XKR9: variants seen among roughly 807,000 people sequenced by gnomAD.
XKR9 encodes the protein XK-related protein 9.
In XKR9, 32 loss-of-function variants were observed where a neutral mutation model predicts 32.0. The observed-to-expected ratio is 1.00, with a 90% CI of 0.76 to 1.34. The LOEUF is 1.34. XKR9 is among the 40% of genes most tolerant of loss of function. XKR9 has a pLI of 0.00. For missense variants in XKR9, 546 were observed against 429.7 expected (o/e 1.27, Z -2.39); for synonymous variants, 168 against 143.4 (o/e 1.17, Z -1.22).
chr8:70,839,803 G>A, the XKR9 span, among the ~76,000 whole-genome samples: 1 of 152,144 alleles, frequency 6.6e-6, no homozygotes, highest in Non-Finnish European at 1.5e-5. Flanking sequence ...CTGTACCTGA[G>A]AAGAAAGCGA....
the XKR9 span, among the ~76,000 whole-genome samples, chr8:70,856,606 C>T: frequency 6.6e-6 from 1 of 152,152 alleles, no homozygotes; most frequent in South Asian, 2.1e-4. Flanking sequence ...TTGAACTCAG[C>T]TCTGCACCAA....
At chr8:70,850,147 C>T in the XKR9 span, among the ~76,000 whole-genome samples, 4 of 152,072 alleles carry the variant, frequency 2.6e-5, no homozygotes, top group African/African-American at 9.7e-5. Context: ...GATACCAAAA[C>T]CTGGCAGACA....
At chr8:70,827,075 TG>T in the XKR9 span, among the ~76,000 whole-genome samples, 1 of 152,158 alleles carries the variant, frequency 6.6e-6, no homozygotes, top group Non-Finnish European at 1.5e-5. Context: ...AAATGGACTG[TG>T]TTCTGGTTTT....
At chr8:70,882,819 AT>A in the XKR9 span, among the ~76,000 whole-genome samples, 1 of 151,834 alleles carries the variant, frequency 6.6e-6, no homozygotes. Flanking sequence ...TGCACTGTAC[AT>A]TTTATGAGTT....
At chr8:70,733,643 T>A (rs1806746114) in intron 4 of XKR9, among the ~76,000 whole-genome samples, 153 bp from the exon 5 acceptor site, 1 of 152,128 alleles carries the variant, frequency 6.6e-6, no homozygotes, top group Non-Finnish European at 1.5e-5. Flanking sequence ...CCCCCATACA[T>A]AATAATATCT....
At chr8:70,892,222 T>C in the XKR9 span, among the ~76,000 whole-genome samples, 1 of 152,096 alleles carries the variant, frequency 6.6e-6, no homozygotes, top group Non-Finnish European at 1.5e-5. Context: ...GTGCATCTTT[T>C]AATAGGGGAA....
the XKR9 span, among the ~76,000 whole-genome samples, chr8:70,891,584 A>G: frequency 2.1e-4 from 32 of 151,948 alleles, no homozygotes; most frequent in African/African-American, 7.5e-4. Flanking sequence ...ATTTTTATGT[A>G]TTTGTACTAT....
the XKR9 span, among the ~76,000 whole-genome samples, chr8:70,856,760 T>G: frequency 6.6e-6 from 1 of 151,956 alleles, no homozygotes; most frequent in Non-Finnish European, 1.5e-5. Flanking sequence ...GAACAGAAAT[T>G]ATAACAAACC....
At chr8:70,884,545 T>C in the XKR9 span, among the ~76,000 whole-genome samples, 3 of 152,200 alleles carry the variant, frequency 2.0e-5, no homozygotes, top group Non-Finnish European at 2.9e-5. Context: ...TTGAGTTAAT[T>C]TTTGTGAAAT....
At chr8:70,784,538 A>G (rs949059424) in intron 2 of XKR9, among the ~76,000 whole-genome samples, 1 of 150,504 alleles carries the variant, frequency 6.6e-6, no homozygotes, top group African/African-American at 2.4e-5. Context: ...TTGTGCGTTG[A>G]TTTTGTACCT....
chr8:70,695,443 T>A (rs1226883793), intron 3 of XKR9, among the ~76,000 whole-genome samples: 1 of 151,166 alleles, frequency 6.6e-6, no homozygotes, highest in Non-Finnish European at 1.5e-5. Flanking sequence ...TTTTTTGTCC[T>A]TGTGATAGTT....
the XKR9 span, among the ~76,000 whole-genome samples, chr8:70,909,452 C>G: frequency 1.3e-5 from 2 of 152,094 alleles, no homozygotes; most frequent in Non-Finnish European, 2.9e-5. Flanking sequence ...TGGTCCCACT[C>G]TGTGTTCCAA....
In XKR9 at chr8:70,681,218, G is replaced by T. The variant is rs1819070160; in HGVS notation, c.160G>T (p.Val54Leu). The change falls in exon 3 of 5, where the codon GTG becomes TTG. Residue 54 changes from valine (V) to leucine (L), a missense_variant. Coordinates refer to ENST00000408926, the MANE Select transcript of XKR9 (RefSeq NM_001011720.2). Reference sequence around the variant, plus strand: ...AAGCTTTATGCTTTTTGGAACACTTGTGGCTCAGTGTTTTAGTTATTCTTG... The same window carrying T: ...AAGCTTTATGCTTTTTGGAACACTTTTGGCTCAGTGTTTTAGTTATTCTTG... ...ALSFMLFGTL[V>L]AQCFSYSWFK... 1.2e-6 allele frequency: 2 copies of T among 1,613,396 alleles called. No individual in the cohort carries two copies. The highest frequency in any genetic ancestry group is 1.7e-5 in the Admixed American group (1 of 59,970).
the XKR9 span, among the ~76,000 whole-genome samples, chr8:70,814,293 G>C: frequency 1.3e-5 from 2 of 151,994 alleles, no homozygotes; most frequent in African/African-American, 2.4e-5. Flanking sequence ...TGACTGTTGT[G>C]GGGTGGGGGA....
chr8:71,049,895 T>TTTTATATCA, the XKR9 span, among the ~76,000 whole-genome samples: 1 of 152,226 alleles, frequency 6.6e-6, no homozygotes, highest in Non-Finnish European at 1.5e-5. Context: ...AAATGAGTCC[T>TTTTATATCA]TTTATTAAAA....
At chr8:70,879,615 T>C in the XKR9 span, among the ~76,000 whole-genome samples, 1 of 152,002 alleles carries the variant, frequency 6.6e-6, no homozygotes, top group Non-Finnish European at 1.5e-5. Flanking sequence ...CAGAAAGAAT[T>C]TGAATCTCTG....
At chr8:70,887,987 T>A in the XKR9 span, among the ~76,000 whole-genome samples, 1 of 152,134 alleles carries the variant, frequency 6.6e-6, no homozygotes, top group Non-Finnish European at 1.5e-5. Flanking sequence ...AGACAGGGCA[T>A]CCTTGTCTTT....
the XKR9 span, among the ~76,000 whole-genome samples, chr8:70,973,923 G>T: frequency 6.6e-6 from 1 of 152,124 alleles, no homozygotes; most frequent in Admixed American, 6.6e-5. Flanking sequence ...CTGATGAATA[G>T]AATGTATATG....
chr8:70,786,463 T>A (rs1409037286), intron 2 of XKR9, among the ~76,000 whole-genome samples: 1 of 152,178 alleles, frequency 6.6e-6, no homozygotes, highest in Non-Finnish European at 1.5e-5. Flanking sequence ...GCTCTGATGT[T>A]GGGTACATGT....
Sources: gnomAD v4.1 joint callset for allele counts (sites outside exome capture counted in the v4.1 genomes callset) on GRCh38, gnomAD v4.1.1 for gene constraint, MANE v1.5 for transcripts, NCBI Gene and HGNC (gene_info 2026-07-23, HGNC 2026-07-21) for gene names.